The following ADAMTS12 variants were observed in gnomAD, a reference collection of about 807,000 sequenced individuals.
ADAMTS12 encodes the protein A disintegrin and metalloproteinase with thrombospondin motifs 12.
ADAMTS12 carries 118 observed loss-of-function variants against 167.8 expected under a neutral mutation model. The observed-to-expected ratio is 0.70, with a 90% CI of 0.61 to 0.82. ADAMTS12 has a LOEUF of 0.82. ADAMTS12 is among the 40% of genes least tolerant of loss of function. The probability of loss-of-function intolerance (pLI) is 0.00; values close to 1 mark genes in which losing one functional copy is unlikely to be tolerated. For synonymous variants in ADAMTS12, 704 were observed against 716.9 expected, an observed-to-expected ratio of 0.98 and a Z score of 0.29; for missense variants, 1,916 against 1,998.8, an observed-to-expected ratio of 0.96 and a Z score of 0.79.
chr5:33,695,164 G>A (rs987178268), intron 3 of ADAMTS12, among the ~76,000 whole-genome samples: 59 of 152,154 alleles, frequency 3.9e-4, no homozygotes, highest in African/African-American at 1.3e-3. Context: ...GTCCACAATA[G>A]ATCAAAACTC....
At chr5:33,814,510 T>C (rs1341257442) in intron 2 of ADAMTS12, among the ~76,000 whole-genome samples, 1 of 152,196 alleles carries the variant, frequency 6.6e-6, no homozygotes, top group Non-Finnish European at 1.5e-5. Context: ...ATACATGAGT[T>C]TGAAATCCAA....
chr5:33,885,859 G>T (rs919982315), intron 1 of ADAMTS12, among the ~76,000 whole-genome samples: 1 of 152,168 alleles, frequency 6.6e-6, no homozygotes, highest in Admixed American at 6.5e-5. Context: ...GTTAGCAGGA[G>T]GCAAGGATGT....
chr5:33,805,156 AG>A (rs768071093), intron 2 of ADAMTS12, among the ~76,000 whole-genome samples: 7 of 152,212 alleles, frequency 4.6e-5, no homozygotes, highest in Non-Finnish European at 8.8e-5. Flanking sequence ...CTTTATACAC[AG>A]CCCTGGGGTG....
chr5:33,766,602 T>C (rs1285719980), intron 2 of ADAMTS12, among the ~76,000 whole-genome samples: 1 of 152,128 alleles, frequency 6.6e-6, no homozygotes. Flanking sequence ...GGATGTCAGG[T>C]ACACAAAGGC....
In ADAMTS12 at chr5:33,767,280, C is replaced by T. The variant is rs772334547; in HGVS notation, c.490-15732G>A. Among the ~76,000 whole-genome samples, 22 of 152,168 alleles carry T rather than the reference C, an allele frequency of 1.4e-4. No homozygotes were observed. In the South Asian group the frequency reaches 2.1e-3, roughly 14 times the overall value. ...CAGTCATTCCTGAATGGTTGGATAA[C>T]GGTCCTTCTCTCTTCTATACTTTCA... On this transcript the variant is annotated intron_variant, in intron 2 of 23. Coordinates refer to ENST00000504830, the MANE Select transcript of ADAMTS12 (RefSeq NM_030955.4).
rs540859432 is a variant in ADAMTS12 at position 33,697,236 on chromosome 5, T to C, written c.635-13181A>G. On this transcript the variant is annotated intron_variant, in intron 3 of 23. Transcript: ENST00000504830. Reference sequence around the variant, plus strand: ...AAGATAAGGTACAAATAATGCCTTTTAATCTCAAGATGTTCTCTCATTTAT... The same window carrying C: ...AAGATAAGGTACAAATAATGCCTTTCAATCTCAAGATGTTCTCTCATTTAT... Among the ~76,000 whole-genome samples the C allele has an allele frequency of 1.4e-4, 21 of 152,364 alleles. No individual in the cohort carries two copies. In the South Asian group the frequency reaches 4.1e-3, roughly 30 times the overall value.
intron 17 of ADAMTS12, among the ~76,000 whole-genome samples, chr5:33,591,322 G>A (rs182100469): frequency 2.0e-5 from 3 of 152,084 alleles, no homozygotes; most frequent in South Asian, 2.1e-4. Context: ...AGCGCTGATC[G>A]CCAACAAACC....
At chr5:33,858,454 C>T (rs1749487407) in intron 2 of ADAMTS12, among the ~76,000 whole-genome samples, 1 of 151,974 alleles carries the variant, frequency 6.6e-6, no homozygotes, top group Non-Finnish European at 1.5e-5. Context: ...CCCAAGAACT[C>T]AAGACCAGCC....
chr5:33,802,665 G>A (rs1225919077), intron 2 of ADAMTS12, among the ~76,000 whole-genome samples: 3 of 152,082 alleles, frequency 2.0e-5, no homozygotes, highest in African/African-American at 4.8e-5. Flanking sequence ...TAACATCCAG[G>A]GATAGCTAAC....
chr5:33,737,433 C>T (rs773670544), intron 3 of ADAMTS12, among the ~76,000 whole-genome samples: 8 of 152,092 alleles, frequency 5.3e-5, no homozygotes, highest in Admixed American at 2.0e-4. Context: ...AAGGGGAAAA[C>T]GGGGAGTTGT....
chr5:33,666,080 T>C (rs1741454921), intron 5 of ADAMTS12, among the ~76,000 whole-genome samples: 1 of 152,252 alleles, frequency 6.6e-6, no homozygotes, highest in African/African-American at 2.4e-5. Context: ...TTTGAGCCTC[T>C]AAGCTCAGTC....
rs151272271 is a variant in ADAMTS12 at position 33,790,674 on chromosome 5, AGT to A, written c.490-39128_490-39127del. 3.0e-3 allele frequency among the ~76,000 whole-genome samples: 449 copies of A among 150,316 alleles called. 3 individuals carry two copies. Among genetic ancestry groups the A allele is most frequent in the East Asian group, 0.027 (137 of 5,138 alleles). On this transcript the variant is annotated intron_variant, in intron 2 of 23. Transcript: ENST00000504830. Reference sequence around the variant, plus strand: ...TCAACAGAGCTAAAGGCTTTATTAAAGTGTGTGTGTGTGTACACACACGCACA... The same window carrying A: ...TCAACAGAGCTAAAGGCTTTATTAAAGTGTGTGTGTGTACACACACGCACA...
At chr5:33,624,737 T>C (rs1739501205) in intron 13 of ADAMTS12, among the ~76,000 whole-genome samples, 1 of 152,166 alleles carries the variant, frequency 6.6e-6, no homozygotes, top group Non-Finnish European at 1.5e-5. Flanking sequence ...CTTGGGGTGT[T>C]CTGTGGGAGT....
intron 2 of ADAMTS12, among the ~76,000 whole-genome samples, chr5:33,822,826 G>A (rs1269349442): frequency 6.6e-6 from 1 of 152,050 alleles, no homozygotes; most frequent in Non-Finnish European, 1.5e-5. Context: ...GGTGGCTCAC[G>A]CCTGTAATCC....
chr5:33,628,068 G>C (rs113413099), intron 13 of ADAMTS12, among the ~76,000 whole-genome samples: 1 of 152,150 alleles, frequency 6.6e-6, no homozygotes, highest in Non-Finnish European at 1.5e-5. Flanking sequence ...GTAACAGATT[G>C]GGGGAAGGCT....
In ADAMTS12 at chr5:33,873,965, T is replaced by C. The variant is rs888439025; in HGVS notation, c.489+7154A>G. Among the ~76,000 whole-genome samples, 18 of 152,280 alleles carry C rather than the reference T, an allele frequency of 1.2e-4. No individual in the cohort carries two copies. In the South Asian group the frequency reaches 2.1e-3, roughly 18 times the overall value. ...GAGTTAAATGTACAATATAAAACTC[T>C]AAAATTCTTAGAGATAATACAGGAG... On this transcript the variant is annotated intron_variant, in intron 2 of 23. Transcript: ENST00000504830.
At chr5:33,809,345 C>T (rs1408178253) in intron 2 of ADAMTS12, among the ~76,000 whole-genome samples, 1 of 152,174 alleles carries the variant, frequency 6.6e-6, no homozygotes, top group Non-Finnish European at 1.5e-5. Flanking sequence ...ACTTTCCACT[C>T]CTCCCATCCC....
At chr5:33,553,412 C>T (rs116302558) in intron 20 of ADAMTS12, among the ~76,000 whole-genome samples, 1,545 of 152,238 alleles carry the variant, frequency 0.01, 22 homozygotes, top group African/African-American at 0.035. Flanking sequence ...GACACATGTA[C>T]GCATATGTTC....
chr5:33,877,451 A>C (rs1354781643), intron 2 of ADAMTS12, among the ~76,000 whole-genome samples: 1 of 152,232 alleles, frequency 6.6e-6, no homozygotes, highest in Non-Finnish European at 1.5e-5. Flanking sequence ...TCCTGGCAAC[A>C]GCAAAACCAA....
Sources: gnomAD v4.1 joint callset for allele counts (sites outside exome capture counted in the v4.1 genomes callset) on GRCh38, gnomAD v4.1.1 for gene constraint, MANE v1.5 for transcripts, NCBI Gene and HGNC (gene_info 2026-07-23, HGNC 2026-07-21) for gene names.